SEC16B: variants seen among roughly 807,000 people sequenced by gnomAD.
SEC16B encodes SEC16 homolog B, endoplasmic reticulum export factor, also known as protein transport protein Sec16B.
Under a neutral mutation model 141.8 loss-of-function variants are expected in SEC16B, and 115 were observed. The observed-to-expected ratio is 0.81, with a 90% CI of 0.70 to 0.95. The LOEUF (loss-of-function observed/expected upper bound fraction) is 0.95, where lower values mean the gene tolerates loss of function less well. Ranked by LOEUF, SEC16B falls within the 40% of genes least tolerant of loss-of-function variation. The probability of loss-of-function intolerance (pLI) is 0.00; values close to 1 mark genes in which losing one functional copy is unlikely to be tolerated. For missense variants in SEC16B, 1,291 were observed against 1,312.3 expected (o/e 0.98, Z 0.25); for synonymous variants, 493 against 492.5 (o/e 1.00, Z -0.01).
rs2101940010 is a variant in SEC16B at position 177,947,896 on chromosome 1, AC to A, written c.1591del (p.Val531Ter). The A allele has an allele frequency of 6.4e-7, 1 of 1,559,922 alleles. No homozygotes were observed. Among genetic ancestry groups the A allele is most frequent in the African/African-American group, 1.4e-5 (1 of 73,412 alleles). On this transcript the variant is annotated frameshift_variant, in exon 13 of 26. Coordinates refer to ENST00000308284, the MANE Select transcript of SEC16B (RefSeq NM_033127.4). LOFTEE classifies it high-confidence loss of function. ...GTCCCCAGCCTGATTCGACAGAATCACAGCCAAGTGAGGCCTCCAGTCTCCC... is the reference window on the plus strand; with the variant it reads ...GTCCCCAGCCTGATTCGACAGAATCAAGCCAAGTGAGGCCTCCAGTCTCCC... ...QWGDWRPHLA[V>X]ILSNQAGDPE...
chr1:177,953,302 A>G (rs1157844808), intron 11 of SEC16B, among the ~76,000 whole-genome samples: 2 of 152,142 alleles, frequency 1.3e-5, no homozygotes, highest in African/African-American at 4.8e-5. Flanking sequence ...CACCACACCC[A>G]GTGGAAGTGT....
chr1:177,948,049 C>T (rs1651870268), intron 12 of SEC16B, 107 bp from the exon 13 acceptor site: 14 of 870,774 alleles, frequency 1.6e-5, no homozygotes, highest in Non-Finnish European at 2.0e-5. Flanking sequence ...AGAGAATGCC[C>T]ACTCTACCAC....
chr1:177,975,662 A>C (rs1394047605), intron 1 of SEC16B, among the ~76,000 whole-genome samples: 1 of 152,234 alleles, frequency 6.6e-6, no homozygotes, highest in Non-Finnish European at 1.5e-5. Flanking sequence ...ATGATGAGAT[A>C]ATGGCCACAC....
chr1:177,968,585 G>C (rs139323408), intron 1 of SEC16B, among the ~76,000 whole-genome samples: 3 of 152,174 alleles, frequency 2.0e-5, no homozygotes, highest in African/African-American at 7.2e-5. Context: ...TGCGAAGTGC[G>C]TAACATGTTA....
chr1:177,948,594 C>T, intron 12 of SEC16B: 1 of 1,304,104 alleles, frequency 7.7e-7, no homozygotes, highest in Non-Finnish European at 1.0e-6. Flanking sequence ...GTACAAAGCC[C>T]CGCATCAATG....
intron 4 of SEC16B, 113 bp from the exon 5 acceptor site, chr1:177,964,392 C>CTGGGTGCCA (rs954249101): frequency 3.1e-6 from 2 of 639,066 alleles, no homozygotes; most frequent in Non-Finnish European, 5.4e-6. Context: ...CCATGTCAGC[C>CTGGGTGCCA]TGGGTGCCAT....
intron 16 of SEC16B, among the ~76,000 whole-genome samples, chr1:177,941,210 A>G (rs1358624897): frequency 6.6e-6 from 1 of 152,192 alleles, no homozygotes; most frequent in East Asian, 1.9e-4. Flanking sequence ...AACTTTTCTA[A>G]TAATTCATTC....
At chr1:177,936,227 A>G in intron 20 of SEC16B, 71 bp downstream of exon 20, 1 of 1,294,772 alleles carries the variant, frequency 7.7e-7, no homozygotes, top group East Asian at 2.5e-5. Flanking sequence ...GTGGCTGGGA[A>G]ACCAAGGCAA....
In SEC16B at chr1:177,929,922, G is replaced by GA. The variant is rs757243272; in HGVS notation, c.3118_3119insT (p.Thr1040IlefsTer4). The GA allele has an allele frequency of 1.2e-6, 2 of 1,613,772 alleles. No homozygotes were observed. Among genetic ancestry groups the GA allele is most frequent in the South Asian group, 2.2e-5 (2 of 90,998 alleles). Reference sequence around the variant, plus strand: ...ATTTGGCCGATTCAGGCTAGTGGCCGTGGGCAGCTGGAAAAGAAGAACAAA... The same window carrying GA: ...ATTTGGCCGATTCAGGCTAGTGGCCGATGGGCAGCTGGAAAAGAAGAACAAA... On this transcript the variant is annotated frameshift_variant, in exon 26 of 26. Transcript: ENST00000308284. LOFTEE classifies it high-confidence loss of function.
intron 11 of SEC16B, 117 bp from the exon 12 acceptor site, chr1:177,952,112 T>G: frequency 1.2e-6 from 1 of 821,750 alleles, no homozygotes; most frequent in South Asian, 1.5e-5. Flanking sequence ...CTTAGGAACA[T>G]GAGCATCGCT....
chr1:177,970,725 T>C (rs142129396), upstream of SEC16B, among the ~76,000 whole-genome samples: 567 of 152,346 alleles, frequency 3.7e-3, 3 homozygotes, highest in Middle Eastern at 0.017. Context: ...TTCTCGCACT[T>C]GAAATATACA....
intron 19 of SEC16B, 41 bp downstream of exon 19, chr1:177,937,173 A>G (rs1650904936): frequency 6.4e-7 from 1 of 1,558,940 alleles, no homozygotes; most frequent in East Asian, 2.3e-5. Flanking sequence ...CCCCACCCAG[A>G]CCCTACATTC....
chr1:177,968,548 G>A (rs1330717959), intron 1 of SEC16B, among the ~76,000 whole-genome samples: 1 of 152,142 alleles, frequency 6.6e-6, no homozygotes, highest in Non-Finnish European at 1.5e-5. Context: ...ACCTTGCAAG[G>A]TTATTGACAG....
intron 6 of SEC16B, 52 bp downstream of exon 6, chr1:177,961,538 C>T: frequency 6.4e-7 from 1 of 1,556,834 alleles, no homozygotes; most frequent in Non-Finnish European, 8.7e-7. Context: ...ACTTGCCACC[C>T]AGCCCTTCCA....
At chr1:177,973,240 A>G (rs974048354), upstream of SEC16B, 8 of 152,328 alleles carry the variant, frequency 5.3e-5, no homozygotes, top group African/African-American at 1.9e-4. Context: ...CTGTGATTTA[A>G]TGACTGGTTA....
At chr1:177,974,065 G>C (rs934954495), upstream of SEC16B, among the ~76,000 whole-genome samples, 1 of 151,666 alleles carries the variant, frequency 6.6e-6, no homozygotes, top group South Asian at 2.1e-4. Context: ...TAGAAGATGA[G>C]GGAGAAGGAG....
rs1571333014 is a variant in SEC16B at position 177,954,451 on chromosome 1, T to A, written c.1366-75A>T. 3.3e-6 allele frequency: 4 copies of A among 1,226,022 alleles called. No individual in the cohort carries two copies. In the South Asian group the frequency reaches 5.2e-5, roughly 16 times the overall value. 75.9% of individuals were successfully genotyped at this position (1,226,022 alleles called of 1,614,324 possible). ...ACAAGTTCCTGTGCTTAGGTGCTGCTGCATCCTGAGCAGCAGAGGCTAGGC... is the reference window on the plus strand; with the variant it reads ...ACAAGTTCCTGTGCTTAGGTGCTGCAGCATCCTGAGCAGCAGAGGCTAGGC... On this transcript the variant is annotated intron_variant, in intron 10 of 25. Coordinates refer to ENST00000308284, the MANE Select transcript of SEC16B (RefSeq NM_033127.4).
chr1:177,944,495 G>T, intron 15 of SEC16B, 66 bp downstream of exon 15: 1 of 1,322,906 alleles, frequency 7.6e-7, no homozygotes, highest in Non-Finnish European at 1.1e-6. Flanking sequence ...AAAAAGCAAA[G>T]CTGCAAATAC....
chr1:177,948,993 C>T (rs963621597), intron 12 of SEC16B, among the ~76,000 whole-genome samples: 23 of 151,502 alleles, frequency 1.5e-4, no homozygotes, highest in African/African-American at 5.3e-4. Context: ...TGCATAGCCG[C>T]CTACCTTCCA....
Sources: allele counts gnomAD v4.1 joint callset (sites outside exome capture counted in the v4.1 genomes callset), GRCh38; gene constraint gnomAD v4.1.1; transcripts MANE v1.5; gene names NCBI Gene and HGNC (gene_info 2026-07-23, HGNC 2026-07-21).